CNTN6: variants seen among roughly 807,000 people sequenced by gnomAD.
The protein encoded by CNTN6 is contactin 6.
CNTN6 carries 137 observed loss-of-function variants against 122.8 expected under a neutral mutation model. The observed-to-expected ratio is 1.12, with a 90% CI of 0.97 to 1.29. The LOEUF is 1.29. Among genes scored for constraint, CNTN6 ranks in the 50% most tolerant of loss-of-function variants. CNTN6 has a pLI of 0.00. For missense variants in CNTN6, 1,634 were observed against 1,223.4 expected (o/e 1.34, Z -5.01); for synonymous variants, 570 against 426.0 (o/e 1.34, Z -4.16).
intron 12 of CNTN6, among the ~76,000 whole-genome samples, chr3:1,358,567 C>A (rs1157031230): frequency 6.6e-6 from 1 of 151,708 alleles, no homozygotes; most frequent in African/African-American, 2.4e-5. Context: ...AAGTAGTTAC[C>A]AAATGCTTTC....
chr3:1,325,353 T>C (rs1189629043), intron 8 of CNTN6, among the ~76,000 whole-genome samples: 1 of 151,870 alleles, frequency 6.6e-6, no homozygotes, highest in Non-Finnish European at 1.5e-5. Context: ...GTTTGATTTA[T>C]GCTTCAAGGT....
chr3:1,264,266 A>G (rs1391174498), intron 4 of CNTN6, among the ~76,000 whole-genome samples: 1 of 152,196 alleles, frequency 6.6e-6, no homozygotes, highest in Non-Finnish European at 1.5e-5. Flanking sequence ...AAAGGCGCTG[A>G]TACAAACAAA....
intron 2 of CNTN6, among the ~76,000 whole-genome samples, chr3:1,180,154 C>G (rs2093527602): frequency 1.3e-5 from 2 of 151,178 alleles, no homozygotes; most frequent in Admixed American, 6.6e-5. Context: ...AACTTAATTT[C>G]AAATAGTTCA....
intron 7 of CNTN6, among the ~76,000 whole-genome samples, chr3:1,307,343 C>A (rs1212941261): frequency 6.6e-6 from 1 of 152,118 alleles, no homozygotes; most frequent in Non-Finnish European, 1.5e-5. Context: ...TCTTGTATTT[C>A]TGAGAAATGG....
At chr3:1,372,788 C>A in intron 13 of CNTN6, 50 bp from the exon 14 acceptor site, 2 of 1,108,024 alleles carry the variant, frequency 1.8e-6, no homozygotes, top group Admixed American at 2.1e-5. Context: ...TAAAGTAGGA[C>A]TTGTTATATG....
chr3:1,158,815 TACACACACATATATATACAC>T (rs1464565272), intron 2 of CNTN6, among the ~76,000 whole-genome samples: 1 of 130,436 alleles, frequency 7.7e-6, no homozygotes, highest in African/African-American at 3.2e-5. Flanking sequence ...CACATATATA[TACACACACATATATATACAC>T]ACACATATAT....
intron 1 of CNTN6, among the ~76,000 whole-genome samples, chr3:1,117,196 T>A (rs918637467): frequency 2.6e-5 from 4 of 152,198 alleles, no homozygotes; most frequent in Non-Finnish European, 5.9e-5. Context: ...CACGTGTGCA[T>A]TACTTTTATA....
intron 20 of CNTN6, among the ~76,000 whole-genome samples, chr3:1,391,506 G>A (rs1476499334): frequency 9.3e-6 from 1 of 107,008 alleles, no homozygotes; most frequent in African/African-American, 4.1e-5. Flanking sequence ...AGACAGGGAT[G>A]CCCTCTCTCA....
intron 12 of CNTN6, among the ~76,000 whole-genome samples, chr3:1,367,836 G>A (rs1037813446): frequency 3.9e-5 from 6 of 152,076 alleles, no homozygotes; most frequent in African/African-American, 1.4e-4. Context: ...GGCAGTGGAT[G>A]GCAGCAAAGG....
intron 5 of CNTN6, among the ~76,000 whole-genome samples, chr3:1,288,809 T>C (rs1694793564): frequency 6.6e-6 from 1 of 152,218 alleles, no homozygotes; most frequent in Non-Finnish European, 1.5e-5. Context: ...TATAGGGCTG[T>C]AAAAGATGTC....
At chr3:1,130,715 T>A (rs2092313834) in intron 1 of CNTN6, among the ~76,000 whole-genome samples, 1 of 152,094 alleles carries the variant, frequency 6.6e-6, no homozygotes, top group Non-Finnish European at 1.5e-5. Flanking sequence ...TTGGGGGGGA[T>A]CTCAAATGAA....
intron 12 of CNTN6, among the ~76,000 whole-genome samples, chr3:1,366,586 T>C (rs951662740): frequency 3.3e-5 from 5 of 152,048 alleles, no homozygotes; most frequent in African/African-American, 4.8e-5. Context: ...GCATGAACAG[T>C]TTTGCATATT....
chr3:1,207,375 C>G (rs1360706177), intron 2 of CNTN6, among the ~76,000 whole-genome samples: 1 of 152,146 alleles, frequency 6.6e-6, no homozygotes, highest in Non-Finnish European at 1.5e-5. Context: ...ACCACAAATA[C>G]TTTGGTCCCA....
chr3:1,122,497 A>C (rs1175428239), intron 1 of CNTN6, among the ~76,000 whole-genome samples: 3 of 149,942 alleles, frequency 2.0e-5, no homozygotes, highest in Non-Finnish European at 4.5e-5. Context: ...ATTCGGTTGC[A>C]TTTAATACAG....
chr3:1,186,162 G>T (rs1477489014), intron 2 of CNTN6, among the ~76,000 whole-genome samples: 4 of 152,136 alleles, frequency 2.6e-5, no homozygotes, highest in African/African-American at 9.7e-5. Flanking sequence ...GAGAAAAAAA[G>T]TAACTTCTAT....
At chr3:1,287,840 G>C (rs186801320) in intron 5 of CNTN6, among the ~76,000 whole-genome samples, 139 of 152,274 alleles carry the variant, frequency 9.1e-4, no homozygotes, top group Non-Finnish European at 1.6e-3. Context: ...GGAACCTTCA[G>C]TCCTGGGAAT....
intron 7 of CNTN6, among the ~76,000 whole-genome samples, chr3:1,301,121 C>T (rs929844309): frequency 1.3e-5 from 2 of 149,782 alleles, no homozygotes; most frequent in Non-Finnish European, 3.0e-5. Context: ...ACTGCAACCT[C>T]CGCGTCCCCG....
At chr3:1,355,259 C>A (rs917334553) in intron 12 of CNTN6, among the ~76,000 whole-genome samples, 1 of 151,552 alleles carries the variant, frequency 6.6e-6, no homozygotes, top group Non-Finnish European at 1.5e-5. Flanking sequence ...AAAATAAACA[C>A]AAAATGTGTG....
At chr3:1,232,350 T>G (rs2094362824) in intron 4 of CNTN6, among the ~76,000 whole-genome samples, 1 of 152,122 alleles carries the variant, frequency 6.6e-6, no homozygotes, top group Admixed American at 6.5e-5. Flanking sequence ...AACACCTAAT[T>G]TATACCCATC....
Sources: gnomAD v4.1 joint callset for allele counts (sites outside exome capture counted in the v4.1 genomes callset) on GRCh38, gnomAD v4.1.1 for gene constraint, MANE v1.5 for transcripts, NCBI Gene and HGNC (gene_info 2026-07-23, HGNC 2026-07-21) for gene names.